Variants in FGR observed in about 807,000 individuals in gnomAD.
FGR encodes tyrosine-protein kinase Fgr.
FGR carries 26 observed loss-of-function variants against 63.2 expected under a neutral mutation model. The ratio of observed to expected loss-of-function variants is 0.41; its 90% CI spans 0.30 to 0.57. The LOEUF (loss-of-function observed/expected upper bound fraction) is 0.57. FGR is among the 20% of genes least tolerant of loss of function. The probability of loss-of-function intolerance (pLI) is 0.27; values close to 1 mark genes in which losing one functional copy is unlikely to be tolerated. For missense variants in FGR, 511 were observed against 690.8 expected (o/e 0.74, Z 2.92); for synonymous variants, 286 against 277.7 (o/e 1.03, Z -0.30).
chr1:27,619,295 A>G (rs1378658871), intron 5 of FGR, among the ~76,000 whole-genome samples: 2 of 151,978 alleles, frequency 1.3e-5, no homozygotes, highest in Non-Finnish European at 2.9e-5. Context: ...GGTTCAAGTG[A>G]TTCTCTTGCC....
chr1:27,623,071 C>T lies in FGR; in HGVS notation c.300G>A (p.Lys100=). The change falls in exon 4 of 13, where the codon AAG becomes AAA. Residue 100 remains lysine (K), a synonymous_variant. Transcript: ENST00000374005. ...TGTTCAGGATGTGGAACTTCTCGCC[C>T]TTGGTGAAGGTGAGGTCATCCTCAG... ...ARTEDDLTFT[K]GEKFHILNNT... 1 of 1,614,080 alleles carries T rather than the reference C, an allele frequency of 6.2e-7. No homozygotes were observed.
At chr1:27,625,473 A>G (rs1213505829) in intron 1 of FGR, among the ~76,000 whole-genome samples, 2 of 152,236 alleles carry the variant, frequency 1.3e-5, no homozygotes, top group Non-Finnish European at 2.9e-5. Flanking sequence ...AACAAGCCCA[A>G]GCTCACAATA....
rs570368463 is a variant in FGR, at chr1:27,624,243, T to G, written c.-13-314A>C. Among the ~76,000 whole-genome samples the G allele has an allele frequency of 5.9e-5, 9 of 152,334 alleles. No individual in the cohort carries two copies. In the South Asian group the frequency reaches 1.0e-3, roughly 18 times the overall value. On this transcript the variant is annotated intron_variant, in intron 2 of 12. Coordinates refer to ENST00000374005, the MANE Select transcript of FGR (RefSeq NM_005248.3). ...TTGCCTCCTATTGCTTTGCTTTTTTTGTTTTGTTTTGAGACAAGATCTCAC... is the reference window on the plus strand; with the variant it reads ...TTGCCTCCTATTGCTTTGCTTTTTTGGTTTTGTTTTGAGACAAGATCTCAC...
intron 5 of FGR, among the ~76,000 whole-genome samples, chr1:27,621,011 A>G (rs2089912288): frequency 1.3e-5 from 2 of 149,624 alleles, no homozygotes; most frequent in South Asian, 2.1e-4. Flanking sequence ...AAAAAAAAAA[A>G]AAAAAAAAGA....
intron 1 of FGR, among the ~76,000 whole-genome samples, chr1:27,628,262 C>T (rs1181452597): frequency 6.6e-6 from 1 of 151,728 alleles, no homozygotes. Flanking sequence ...GCAGGAGGAC[C>T]ACTCAAGACC....
intron 5 of FGR, among the ~76,000 whole-genome samples, chr1:27,618,187 G>T (rs926614950): frequency 1.2e-4 from 18 of 152,268 alleles, no homozygotes; most frequent in Middle Eastern, 3.4e-3. Context: ...GTCCAGGAGG[G>T]CAGGCAGGAG....
intron 1 of FGR, among the ~76,000 whole-genome samples, chr1:27,628,935 C>T (rs2090065373): frequency 6.6e-6 from 1 of 152,180 alleles, no homozygotes; most frequent in Non-Finnish European, 1.5e-5. Context: ...GCTGAGGCGT[C>T]AGGGGATGTA....
intron 4 of FGR, 38 bp from the exon 5 acceptor site, chr1:27,621,695 C>T (rs2089930219): frequency 1.3e-6 from 2 of 1,523,140 alleles, no homozygotes; most frequent in Non-Finnish European, 1.8e-6. Flanking sequence ...GCAGCACCTC[C>T]AGCCCCCAAG....
At position 27,617,279 on chromosome 1, in the gene FGR, A is replaced by G. The variant is rs755633359; in HGVS notation, c.446T>C (p.Ile149Thr). ...CTGCCTCTCTGCATCCTTTCTCCCA[A>G]TCTTTCCAAAGTACCACCTGTTGGG... is the stretch of plus-strand genomic sequence containing the variant. Reference protein sequence around the residue: ...IQAEEWYFGKIGRKDAERQLL... With the variant: ...IQAEEWYFGKTGRKDAERQLL... Residue 149 changes from isoleucine to threonine, a missense_variant, in exon 6 of 13, where the codon ATT becomes ACT. By Grantham distance (89) the Ile-to-Thr change is moderately conservative (BLOSUM62 -1). Transcript: ENST00000374005. The surrounding 1 kb of genome is among the most constrained non-coding windows in gnomAD (Gnocchi z 4.5). 4.3e-6 allele frequency: 7 copies of G among 1,613,866 alleles called. No individual in the cohort carries two copies. Among genetic ancestry groups the G allele is most frequent in the East Asian group, 2.2e-5 (1 of 44,894 alleles).
rs766668885 is a variant in FGR, at chr1:27,616,307, C to T, written c.683-463G>A. 1.3e-5 allele frequency among the ~76,000 whole-genome samples: 2 copies of T among 152,232 alleles called. No individual in the cohort carries two copies. The highest frequency in any genetic ancestry group is 2.9e-5 in the Non-Finnish European group (2 of 68,036). ...AATTCTCCACCAAGTCAGGCCTATT[C>T]TGCCTCCTACCCAGCTTCAGAATCG... On this transcript the variant is annotated intron_variant, in intron 7 of 12. Transcript: ENST00000374005. This position sits in a 1 kb window ranked among gnomAD's most constrained non-coding sequence, Gnocchi z 4.3.
In FGR at chr1:27,616,056, T is replaced by G. The variant is rs898053298; in HGVS notation, c.683-212A>C. ...AGGGGGTGGCACCCAGAGGGAGAGA[T>G]GATCCCTGTAAGCCTTCTGTAAGGA... On this transcript the variant is annotated intron_variant, in intron 7 of 12. Transcript: ENST00000374005. The surrounding 1 kb of genome is among the most constrained non-coding windows in gnomAD (Gnocchi z 4.3). Among the ~76,000 whole-genome samples, 1 of 152,142 alleles carries G rather than the reference T, an allele frequency of 6.6e-6. No individual in the cohort carries two copies. The highest frequency in any genetic ancestry group is 2.4e-5 in the African/African-American group (1 of 41,434).
chr1:27,622,774 G>A (rs2089953899), intron 4 of FGR, among the ~76,000 whole-genome samples: 1 of 152,188 alleles, frequency 6.6e-6, no homozygotes. Flanking sequence ...CCAAAGTGCT[G>A]GGATTACAGG....
chr1:27,623,793 G>A lies in FGR; in HGVS notation c.124C>T (p.Arg42Trp), dbSNP rs756000945. 1.2e-5 allele frequency: 20 copies of A among 1,614,194 alleles called. No homozygotes were observed. The highest frequency in any genetic ancestry group is 1.7e-5 in the Admixed American group (1 of 60,024). Residue 42 changes from arginine (R) to tryptophan (W), a missense_variant, in exon 3 of 13, where the codon CGG (arginine) becomes TGG (tryptophan). By Grantham distance (101) the Arg-to-Trp change is moderately radical. Coordinates refer to ENST00000374005, the MANE Select transcript of FGR (RefSeq NM_005248.3). ...ATGTGGGCAAATGAGGATGCAGGCC[G>A]GGCCTTAGTGGGGTCAGGCCCATAG... ...DHYGPDPTKA[R>W]PASSFAHIPN...
intron 5 of FGR, among the ~76,000 whole-genome samples, chr1:27,618,284 A>G (rs996443223): frequency 5.3e-5 from 8 of 152,144 alleles, no homozygotes; most frequent in South Asian, 2.1e-4. Flanking sequence ...CACGCATGAC[A>G]TTAGCTACCT....
chr1:27,634,531 G>A (rs923353298), intron 1 of FGR, among the ~76,000 whole-genome samples: 19 of 152,092 alleles, frequency 1.2e-4, no homozygotes, highest in African/African-American at 4.6e-4. Context: ...GAACTTCCTG[G>A]ACCCGCAATT....
At position 27,623,099 on chromosome 1, in the gene FGR, C is replaced by T. The variant is rs763724015; in HGVS notation, c.272G>A (p.Arg91Gln). Residue 91 changes from arginine to glutamine, a missense_variant, in exon 4 of 13, where the codon CGA (arginine) becomes CAA (glutamine). Coordinates refer to ENST00000374005, the MANE Select transcript of FGR (RefSeq NM_005248.3). ...LFIALYDYEA[R>Q]TEDDLTFTKG... The stretch of plus-strand genomic sequence containing the variant: ...GGTGAAGGTGAGGTCATCCTCAGTT[C>T]GAGCCTCATAGTCATACAGGGCAAT... 4 of 1,614,114 alleles carry T rather than the reference C, an allele frequency of 2.5e-6. No individual in the cohort carries two copies. Among genetic ancestry groups the T allele is most frequent in the Non-Finnish European group, 3.4e-6 (4 of 1,180,006 alleles).
chr1:27,622,002 C>T (rs2089937688), intron 4 of FGR, among the ~76,000 whole-genome samples: 4 of 152,134 alleles, frequency 2.6e-5, no homozygotes, highest in Admixed American at 2.6e-4. Context: ...ATCTAGACTT[C>T]TCAATGTGGC....
Position 27,613,085 on chromosome 1 carries a change from C to T in FGR, c.1419G>A (p.Gln473=), listed in dbSNP as rs1229053200. ...NKREVLEQVE[Q]GYHMPCPPGC... ...CTGGAGGGCACGGCATGTGGTAGCC[C>T]TGCTCCACCTGTTCCAACACTTCCC... Residue 473 remains glutamine, a synonymous_variant, in exon 13 of 13, where the codon CAG becomes CAA. Transcript: ENST00000374005. 1.2e-6 allele frequency: 2 copies of T among 1,614,080 alleles called. No individual in the cohort carries two copies. Among genetic ancestry groups the T allele is most frequent in the Non-Finnish European group, 1.7e-6 (2 of 1,180,040 alleles).
At chr1:27,618,372 T>C (rs1347035997) in intron 5 of FGR, among the ~76,000 whole-genome samples, 1 of 152,132 alleles carries the variant, frequency 6.6e-6, no homozygotes, top group Non-Finnish European at 1.5e-5. Flanking sequence ...TTCACTTAAT[T>C]CTCCTAACAA....
Sources: allele counts gnomAD v4.1 joint callset (sites outside exome capture counted in the v4.1 genomes callset), GRCh38; gene constraint gnomAD v4.1.1; non-coding constraint Gnocchi (gnomAD v3.1); transcripts MANE v1.5; gene names NCBI Gene and HGNC (gene_info 2026-07-23, HGNC 2026-07-21).